The following DLGAP2 variants were observed in gnomAD, a reference collection of about 807,000 sequenced individuals.
DLGAP2 encodes the protein disks large-associated protein 2.
In DLGAP2, 26 loss-of-function variants were observed where a neutral mutation model predicts 100.3. The ratio of observed to expected loss-of-function variants is 0.26; its 90% CI spans 0.19 to 0.36. DLGAP2 has a LOEUF of 0.36. Ranked by LOEUF, DLGAP2 falls within the 10% of genes least tolerant of loss-of-function variation. The pLI is 1.00. For synonymous variants in DLGAP2, 886 were observed against 630.1 expected, an observed-to-expected ratio of 1.41 and a Z score of -6.08; for missense variants, 1,858 against 1,453.2, an observed-to-expected ratio of 1.28 and a Z score of -4.53.
At chr8:1,491,678 C>T (rs1799396210) in intron 3 of DLGAP2, among the ~76,000 whole-genome samples, 1 of 152,240 alleles carries the variant, frequency 6.6e-6, no homozygotes, top group Non-Finnish European at 1.5e-5. Context: ...AAGTAGGTGT[C>T]ACTTTTCATG....
chr8:1,316,646 G>T (rs1241183187), intron 3 of DLGAP2, among the ~76,000 whole-genome samples: 1 of 144,446 alleles, frequency 6.9e-6, no homozygotes. Context: ...CTCTCCAACA[G>T]TGGTCTACAC....
At chr8:904,456 G>A (rs1354129897) in intron 1 of DLGAP2, among the ~76,000 whole-genome samples, 2 of 152,196 alleles carry the variant, frequency 1.3e-5, no homozygotes, top group Non-Finnish European at 2.9e-5. Flanking sequence ...GGAGGTGGAG[G>A]TTGCAGTGAG....
At chr8:922,274 T>C (rs185828086) in intron 2 of DLGAP2, among the ~76,000 whole-genome samples, 6 of 152,338 alleles carry the variant, frequency 3.9e-5, no homozygotes, top group Admixed American at 3.3e-4. Context: ...GGATGAGTCC[T>C]GCTCACTTTA....
At chr8:1,101,952 G>T (rs1804600719) in intron 2 of DLGAP2, among the ~76,000 whole-genome samples, 1 of 152,132 alleles carries the variant, frequency 6.6e-6, no homozygotes, top group African/African-American at 2.4e-5. Flanking sequence ...AGACAGTCAA[G>T]ATGGTGGATT....
At position 1,678,513 on chromosome 8, in the gene DLGAP2, C is replaced by T. The variant is rs200520233; in HGVS notation, c.2588C>T (p.Pro863Leu). ...ACGGTAGAGACTGGGAGGATGTCTC[C>T]GTGCCGCAGGGATGGCTCGTGGTTT... ...IDTVETGRMSPCRRDGSWFLK... is the reference protein window; with the variant it reads ...IDTVETGRMSLCRRDGSWFLK... The change falls in exon 12 of 15, where the codon CCG becomes CTG. Residue 863 changes from proline to leucine, a missense_variant. Transcript: ENST00000637795. 283 of 1,609,252 alleles carry T rather than the reference C, an allele frequency of 1.8e-4. No individual in the cohort carries two copies. Among genetic ancestry groups the T allele is most frequent in the Non-Finnish European group, 3.6e-5 (42 of 1,177,846 alleles).
intron 3 of DLGAP2, among the ~76,000 whole-genome samples, chr8:1,274,377 A>C (rs1799640942): frequency 6.6e-6 from 1 of 152,110 alleles, no homozygotes; most frequent in African/African-American, 2.4e-5. Flanking sequence ...ACCATAAAAT[A>C]AGCCAACATG....
At chr8:823,931 G>A (rs923895838) in intron 1 of DLGAP2, among the ~76,000 whole-genome samples, 2 of 152,150 alleles carry the variant, frequency 1.3e-5, no homozygotes, top group Admixed American at 1.3e-4. Context: ...TCCCTTATAC[G>A]ATGGAACCCC....
intron 6 of DLGAP2, among the ~76,000 whole-genome samples, chr8:1,575,604 G>A (rs1395021825): frequency 3.7e-5 from 5 of 135,920 alleles, no homozygotes; most frequent in African/African-American, 1.4e-4. Flanking sequence ...ATCTCCTAAT[G>A]CTTTCCCTCC....
intron 2 of DLGAP2, among the ~76,000 whole-genome samples, chr8:941,619 T>C (rs893120158): frequency 6.6e-6 from 1 of 152,170 alleles, no homozygotes; most frequent in African/African-American, 2.4e-5. Context: ...GGAGATCTAA[T>C]TCTCAGGAAG....
intron 2 of DLGAP2, among the ~76,000 whole-genome samples, chr8:1,093,405 A>G (rs2336697): frequency 0.35 from 52,584 of 148,806 alleles, 9,886 homozygotes; most frequent in Non-Finnish European, 0.43. Flanking sequence ...ACACCTTCAC[A>G]CTGACAGCCA....
chr8:946,833 T>C (rs1173478913), intron 2 of DLGAP2, among the ~76,000 whole-genome samples: 1 of 152,130 alleles, frequency 6.6e-6, no homozygotes, highest in Admixed American at 6.5e-5. Context: ...GAAACAGCAA[T>C]AGCACAGCAG....
chr8:1,464,321 C>T (rs1260486217), intron 3 of DLGAP2, among the ~76,000 whole-genome samples: 4 of 137,558 alleles, frequency 2.9e-5, no homozygotes, highest in Non-Finnish European at 4.7e-5. Flanking sequence ...AGGACAACGC[C>T]CTTCCAGGAC....
rs79043838 is a variant in DLGAP2 at position 1,291,838 on chromosome 8, C to T, written c.106+32955C>T. ...CCCTCCAGCCACACTTTGTACTGCT[C>T]AGCAGGCCATATGGCTTAGTCTAAT... On this transcript the variant is annotated intron_variant, in intron 3 of 14. Coordinates refer to ENST00000637795, the MANE Select transcript of DLGAP2 (RefSeq NM_001346810.2). 4.5e-3 allele frequency among the ~76,000 whole-genome samples: 678 copies of T among 152,258 alleles called. 24 individuals are homozygous for T. The East Asian group carries it at 0.079, about 18-fold the overall frequency.
chr8:1,224,224 G>A (rs1364888253), intron 2 of DLGAP2, among the ~76,000 whole-genome samples: 2 of 152,116 alleles, frequency 1.3e-5, no homozygotes, highest in South Asian at 2.1e-4. Flanking sequence ...CCTGGCATTC[G>A]TGGCACATTT....
chr8:1,538,308 C>G (rs1801224259), intron 4 of DLGAP2, among the ~76,000 whole-genome samples: 1 of 152,200 alleles, frequency 6.6e-6, no homozygotes, highest in East Asian at 1.9e-4. Flanking sequence ...ACCTGCAGTA[C>G]TCCCTTGAGC....
At chr8:1,475,396 T>C (rs1798903047) in intron 3 of DLGAP2, among the ~76,000 whole-genome samples, 1 of 152,202 alleles carries the variant, frequency 6.6e-6, no homozygotes, top group African/African-American at 2.4e-5. Context: ...TGGAGCAGCC[T>C]GATACCTTTT....
intron 3 of DLGAP2, among the ~76,000 whole-genome samples, chr8:1,428,805 C>T (rs1021572282): frequency 6.6e-6 from 1 of 152,206 alleles, no homozygotes; most frequent in African/African-American, 2.4e-5. Context: ...TGCACACCCA[C>T]ATGGGAGAGC....
chr8:1,299,805 C>T (rs1372405458), intron 3 of DLGAP2: 1 of 152,184 alleles, frequency 6.6e-6, no homozygotes, highest in African/African-American at 2.4e-5. Context: ...TCTGAAGCAA[C>T]TTTCTTATGT....
chr8:1,192,594 G>A (rs2116733356), intron 2 of DLGAP2, among the ~76,000 whole-genome samples: 1 of 148,658 alleles, frequency 6.7e-6, no homozygotes, highest in African/African-American at 2.5e-5. Flanking sequence ...ACTCCCACGA[G>A]TCTGAGTGTC....
Sources: allele counts gnomAD v4.1 joint callset (sites outside exome capture counted in the v4.1 genomes callset), GRCh38; gene constraint gnomAD v4.1.1; transcripts MANE v1.5; gene names NCBI Gene and HGNC (gene_info 2026-07-23, HGNC 2026-07-21).